The following SLC24A4 variants were observed in gnomAD, a reference collection of about 807,000 sequenced individuals.
SLC24A4 encodes the protein solute carrier family 24 member 4, also known as sodium/potassium/calcium exchanger 4.
SLC24A4 carries 53 observed loss-of-function variants against 79.0 expected under a neutral mutation model. The ratio of observed to expected loss-of-function variants is 0.67; its 90% CI spans 0.54 to 0.84. The LOEUF is 0.84. Among genes scored for constraint, SLC24A4 ranks in the 40% least tolerant of loss-of-function variants. The pLI, the probability that SLC24A4 is intolerant of heterozygous loss-of-function variation, is 0.00. For synonymous variants in SLC24A4, 323 were observed against 323.8 expected (o/e 1.00, Z 0.03); for missense variants, 731 against 822.0 (o/e 0.89, Z 1.35).
chr14:92,355,030 G>T (rs868629516), intron 2 of SLC24A4, among the ~76,000 whole-genome samples: 1 of 152,048 alleles, frequency 6.6e-6, no homozygotes. Flanking sequence ...GCTGAGATGG[G>T]GCCATTGCAC....
At chr14:92,424,948 G>T (rs72695169) in intron 2 of SLC24A4, among the ~76,000 whole-genome samples, 32,410 of 151,980 alleles carry the variant, frequency 0.21, 3,826 homozygotes, top group Non-Finnish European at 0.25. Flanking sequence ...CACCACTTGC[G>T]CCCAGGGCAT....
rs777227135 is a variant in SLC24A4 at position 92,325,994 on chromosome 14, T to C, written c.241+16T>C. On this transcript the variant is annotated intron_variant, in intron 2 of 16. Transcript: ENST00000532405. ...ACAGATCCTGGTAAGAAATCAATTC[T>C]TCTCCACTCAGTCTACTAAGATGTT... 1.9e-6 allele frequency: 3 copies of C among 1,552,220 alleles called. No individual in the cohort carries two copies. The highest frequency in any genetic ancestry group is 3.4e-5 in the Admixed American group (2 of 59,136).
intron 2 of SLC24A4, among the ~76,000 whole-genome samples, chr14:92,334,922 A>T (rs1368878180): frequency 6.6e-6 from 1 of 151,918 alleles, no homozygotes; most frequent in Non-Finnish European, 1.5e-5. Context: ...CATCATCATC[A>T]TCGTCATCGA....
chr14:92,331,475 G>T (rs1885475308), intron 2 of SLC24A4, among the ~76,000 whole-genome samples: 1 of 152,076 alleles, frequency 6.6e-6, no homozygotes, highest in African/African-American at 2.4e-5. Context: ...TAGAGACAGG[G>T]TTTCACCATG....
chr14:92,435,048 A>C (rs376780097), intron 3 of SLC24A4, among the ~76,000 whole-genome samples: 106 of 152,350 alleles, frequency 7.0e-4, no homozygotes, highest in African/African-American at 2.5e-3. Flanking sequence ...TGCTGGGACT[A>C]CAGGTGTGAG....
In SLC24A4 at chr14:92,325,547, C is replaced by T. The variant is rs2014123; in HGVS notation, c.131-321C>T. ...AGGGCAGGGGCCCTCTGAGAGTGTC[C>T]TTTACTGGAAGAACACTTAAAAGGT... On this transcript the variant is annotated intron_variant, in intron 1 of 16. Transcript: ENST00000532405. 0.96 allele frequency among the ~76,000 whole-genome samples: 145,600 copies of T among 152,278 alleles called. 69,923 individuals carry two copies. The highest frequency in any genetic ancestry group is 1 in the East Asian group (5,174 of 5,174).
Position 92,408,838 on chromosome 14 carries a change from A to G in SLC24A4, c.242-25074A>G, listed in dbSNP as rs147170802. On this transcript the variant is annotated intron_variant, in intron 2 of 16. Coordinates refer to ENST00000532405, the MANE Select transcript of SLC24A4 (RefSeq NM_153646.4). ...CTGGTGGAAAGTTGAAGTAGGGCAG[A>G]TTTATTTATGAATATCCTTTCCTCA... 3.5e-3 allele frequency among the ~76,000 whole-genome samples: 532 copies of G among 152,274 alleles called. 3 individuals carry two copies. The highest frequency in any genetic ancestry group is 6.8e-3 in the Middle Eastern group (2 of 294).
chr14:92,328,527 T>G (rs1885281999), intron 2 of SLC24A4, among the ~76,000 whole-genome samples: 1 of 152,222 alleles, frequency 6.6e-6, no homozygotes, highest in African/African-American at 2.4e-5. Context: ...GAACTGGGTT[T>G]AGCAGAAATA....
At chr14:92,489,407 G>A (rs139431241) in intron 14 of SLC24A4, among the ~76,000 whole-genome samples, 2,962 of 152,122 alleles carry the variant, frequency 0.019, 96 homozygotes, top group Admixed American at 0.08. Flanking sequence ...CAGCCTAGGC[G>A]ACAGAGGGAG....
intron 10 of SLC24A4, chr14:92,452,940 C>G (rs1252039696): frequency 2.0e-5 from 3 of 152,232 alleles, no homozygotes; most frequent in Admixed American, 2.0e-4. Context: ...AAGGACACAC[C>G]AGGAGCTGGT....
intron 2 of SLC24A4, among the ~76,000 whole-genome samples, chr14:92,397,546 C>T (rs2141753932): frequency 6.6e-6 from 1 of 152,288 alleles, no homozygotes; most frequent in East Asian, 1.9e-4. Flanking sequence ...AGGGGGCATC[C>T]TGTCTGGGTT....
intron 2 of SLC24A4, among the ~76,000 whole-genome samples, chr14:92,334,951 C>A (rs563465643): frequency 4.0e-4 from 61 of 152,136 alleles, no homozygotes; most frequent in Admixed American, 6.5e-4. Context: ...CCAGGGTACC[C>A]TATGTTGGGC....
chr14:92,408,433 A>G (rs994236536), intron 2 of SLC24A4: 11 of 985,254 alleles, frequency 1.1e-5, no homozygotes, highest in Non-Finnish European at 1.3e-5. Context: ...CTCTGCAAAC[A>G]TGTGAGTTTA....
At chr14:92,339,949 A>G (rs551328476) in intron 2 of SLC24A4, among the ~76,000 whole-genome samples, 1 of 152,362 alleles carries the variant, frequency 6.6e-6, no homozygotes, top group South Asian at 2.1e-4. Flanking sequence ...GTCAAGGAAT[A>G]GGTTGAGAGA....
chr14:92,439,034 A>G (rs2139803548), intron 3 of SLC24A4, among the ~76,000 whole-genome samples: 1 of 152,374 alleles, frequency 6.6e-6, no homozygotes, highest in South Asian at 2.1e-4. Flanking sequence ...ATTGTGTGCC[A>G]GAAACCAAGG....
At position 92,474,794 on chromosome 14, in the gene SLC24A4, TATATATATAC is replaced by T. The variant is rs1408799353; in HGVS notation, c.1256-7878_1256-7869del. ...ATGTGTGTATATATATGTGTGTGTGTATATATATACATATATACATATATATACATATATA... is the reference window on the plus strand; with the variant it reads ...ATGTGTGTATATATATGTGTGTGTGTATATATACATATATATACATATATA... On this transcript the variant is annotated intron_variant, in intron 12 of 16. Transcript: ENST00000532405. Among the ~76,000 whole-genome samples, 76 of 68,506 alleles carry T rather than the reference TATATATATAC, an allele frequency of 1.1e-3. 1 individual carries two copies. Among genetic ancestry groups the T allele is most frequent in the Non-Finnish European group, 1.7e-3 (53 of 30,368 alleles). The allele number at this position is 68,506 out of a possible 152,430, so 44.9% of individuals were successfully genotyped here. A position where few individuals can be genotyped will look rare whatever the true frequency, so the allele number is the denominator to read the frequency against.
rs36185636 is a variant in SLC24A4 at position 92,474,863 on chromosome 14, A to ATATATATATATATTT, written c.1256-7816_1256-7815insATATATATATATTTT. 6.3e-4 allele frequency among the ~76,000 whole-genome samples: 36 copies of ATATATATATATATTT among 57,114 alleles called. 3 individuals carry two copies. The highest frequency in any genetic ancestry group is 7.6e-3 in the Middle Eastern group (1 of 132). 37.5% of individuals were successfully genotyped at this position (57,114 alleles called of 152,430 possible). Reference sequence around the variant, plus strand: ...TGTGTGTATATATATATATATATATATTTTTTTTTTTTTTAGTAGACACAG... The same window carrying ATATATATATATATTT: ...TGTGTGTATATATATATATATATATATATATATATATATTTTTTTTTTTTTTTTTAGTAGACACAG... On this transcript the variant is annotated intron_variant, in intron 12 of 16. Transcript: ENST00000532405.
chr14:92,391,993 T>TG (rs1454716680), intron 2 of SLC24A4, among the ~76,000 whole-genome samples: 1 of 151,410 alleles, frequency 6.6e-6, no homozygotes, highest in African/African-American at 2.4e-5. Context: ...TTCTCCCTCC[T>TG]CCCCCCACCA....
intron 2 of SLC24A4, among the ~76,000 whole-genome samples, chr14:92,326,680 A>G (rs1885161006): frequency 1.3e-5 from 2 of 152,176 alleles, no homozygotes; most frequent in African/African-American, 2.4e-5. Flanking sequence ...CACTGCCCAG[A>G]TCGCAGGCTG....
Sources: gnomAD v4.1 joint callset for allele counts (sites outside exome capture counted in the v4.1 genomes callset) on GRCh38, gnomAD v4.1.1 for gene constraint, MANE v1.5 for transcripts, NCBI Gene and HGNC (gene_info 2026-07-23, HGNC 2026-07-21) for gene names.